The following AGK variants were observed in gnomAD, a reference collection of about 807,000 sequenced individuals.
The protein encoded by AGK is acylglycerol kinase, also known as acylglycerol kinase, mitochondrial.
Under a neutral mutation model 66.4 loss-of-function variants are expected in AGK, and 52 were observed. The observed-to-expected ratio is 0.78, with a 90% confidence interval of 0.63 to 0.99. The LOEUF (loss-of-function observed/expected upper bound fraction) is 0.99, where lower values mean the gene tolerates loss of function less well. Ranked by LOEUF, AGK falls within the 50% of genes least tolerant of loss-of-function variation. The pLI is 0.00. For synonymous variants in AGK, 182 were observed against 181.1 expected, an observed-to-expected ratio of 1.00 and a Z score of -0.04; for missense variants, 451 against 506.6, an observed-to-expected ratio of 0.89 and a Z score of 1.05.
chr7:141,555,339 T>G lies in AGK; in HGVS notation c.-14-114T>G. 1.6e-6 allele frequency: 1 copy of G among 629,576 alleles called. No homozygotes were observed. The highest frequency in any genetic ancestry group is 2.6e-6 in the Non-Finnish European group (1 of 381,976). The allele number at this position is 629,576 out of a possible 1,614,324, so 39.0% of individuals were successfully genotyped here. A position where few individuals can be genotyped will look rare whatever the true frequency, so the allele number is the denominator to read the frequency against. Reference sequence around the variant, plus strand: ...AGTGGTAAGGAGGAAGAGGAGTGAGTGGGAAAAAAAGGAGTGAGAGAGGAT... The same window carrying G: ...AGTGGTAAGGAGGAAGAGGAGTGAGGGGGAAAAAAAGGAGTGAGAGAGGAT... On this transcript the variant is annotated intron_variant, in intron 1 of 15. Transcript: ENST00000649286. The surrounding 1 kb of genome is among the most constrained non-coding windows in gnomAD (Gnocchi z 4.2).
intron 9 of AGK, among the ~76,000 whole-genome samples, chr7:141,624,719 T>A (rs1482595707): frequency 1.3e-5 from 2 of 152,240 alleles, no homozygotes; most frequent in South Asian, 4.1e-4. Flanking sequence ...TTTCTTGACA[T>A]GGAATGTAAT....
In AGK at chr7:141,654,208, T is replaced by C. The variant is rs1797634189; in HGVS notation, c.*1284T>C. 2.6e-5 allele frequency: 4 copies of C among 152,238 alleles called. No individual in the cohort carries two copies. Among genetic ancestry groups the C allele is most frequent in the Admixed American group, 2.0e-4 (3 of 15,282 alleles). 9.4% of individuals were successfully genotyped at this position (152,238 alleles called of 1,614,324 possible). A position where few individuals can be genotyped will look rare whatever the true frequency, so the allele number is the denominator to read the frequency against. On this transcript the variant is annotated 3_prime_UTR_variant, in exon 16 of 16. Coordinates refer to ENST00000649286, the MANE Select transcript of AGK (RefSeq NM_018238.4). ...GAACCAATATTATCGTAATTAATTA[T>C]TGGTATATAATGAAAACGGTATTAA...
rs140736968 is a variant in AGK, at chr7:141,573,044, GT to G, written c.101+17484del. On this transcript the variant is annotated intron_variant, in intron 2 of 15. Transcript: ENST00000649286. ...TTCATCCACAGCTGAAGGTAGGGAG[GT>G]TTTTTTCCCCCTCATGGCTTTTCCT... Among the ~76,000 whole-genome samples, 863 of 152,256 alleles carry G rather than the reference GT, an allele frequency of 5.7e-3. 10 individuals carry two copies. Among genetic ancestry groups the G allele is most frequent in the African/African-American group, 0.02 (817 of 41,540 alleles).
At chr7:141,633,084 G>A (rs1385764964) in intron 9 of AGK, among the ~76,000 whole-genome samples, 1 of 152,124 alleles carries the variant, frequency 6.6e-6, no homozygotes, top group Non-Finnish European at 1.5e-5. Flanking sequence ...GAATCAAGCT[G>A]GTTCTGCCCA....
At chr7:141,616,521 T>C (rs1050773222) in intron 8 of AGK, among the ~76,000 whole-genome samples, 3 of 152,174 alleles carry the variant, frequency 2.0e-5, no homozygotes, top group Non-Finnish European at 4.4e-5. Flanking sequence ...ATTTTTGCTA[T>C]TGTAATGTTA....
chr7:141,647,367 T>C (rs117230630), intron 13 of AGK, among the ~76,000 whole-genome samples: 3,673 of 152,304 alleles, frequency 0.024, 69 homozygotes, highest in Middle Eastern at 0.041. Context: ...ATGTAGCTCC[T>C]CTCTTCCCTG....
At chr7:141,652,713 T>C in intron 15 of AGK, 74 bp from the exon 16 acceptor site, 1 of 1,481,374 alleles carries the variant, frequency 6.8e-7, no homozygotes, top group South Asian at 1.2e-5. Context: ...CTTCTTCTGG[T>C]GCTGCTGTGA....
At chr7:141,626,341 G>A (rs547930613) in intron 9 of AGK, among the ~76,000 whole-genome samples, 2 of 152,116 alleles carry the variant, frequency 1.3e-5, no homozygotes, top group Non-Finnish European at 2.9e-5. Context: ...ATAGAAAATC[G>A]CCATTTTTTA....
At chr7:141,614,975 A>G (rs1796675818) in intron 7 of AGK, among the ~76,000 whole-genome samples, 1 of 152,188 alleles carries the variant, frequency 6.6e-6, no homozygotes, top group African/African-American at 2.4e-5. Flanking sequence ...TATGTGTGGC[A>G]TTTAATTAAC....
At chr7:141,560,625 TC>T (rs35108383) in intron 2 of AGK, among the ~76,000 whole-genome samples, 1 of 151,878 alleles carries the variant, frequency 6.6e-6, no homozygotes, top group Non-Finnish European at 1.5e-5. Flanking sequence ...CTCCCACCTT[TC>T]CCCCTGAGTC....
intron 1 of AGK, among the ~76,000 whole-genome samples, chr7:141,552,173 A>G (rs1795106013): frequency 6.6e-6 from 1 of 152,212 alleles, no homozygotes; most frequent in Admixed American, 6.5e-5. Flanking sequence ...GATTATGGCA[A>G]TAACTTCCTA....
At chr7:141,613,594 G>C (rs902322424) in intron 6 of AGK, among the ~76,000 whole-genome samples, 2 of 152,186 alleles carry the variant, frequency 1.3e-5, no homozygotes, top group African/African-American at 2.4e-5. Flanking sequence ...TCTCCAGCCT[G>C]GGTGACAGAG....
rs1301537652 is a variant in AGK at position 141,604,403 on chromosome 7, T to TATATAC, written c.297+3124_297+3125insTATACA. On this transcript the variant is annotated intron_variant, in intron 5 of 15. Coordinates refer to ENST00000649286, the MANE Select transcript of AGK (RefSeq NM_018238.4). ...ATATATATATATATATATATATATA[T>TATATAC]ACACATACATACACACACACACATA... Among the ~76,000 whole-genome samples, 171 of 141,492 alleles carry TATATAC rather than the reference T, an allele frequency of 1.2e-3. 1 individual carries two copies. Among genetic ancestry groups the TATATAC allele is most frequent in the African/African-American group, 3.9e-3 (151 of 38,270 alleles). 92.8% of individuals were successfully genotyped at this position (141,492 alleles called of 152,430 possible).
intron 14 of AGK, among the ~76,000 whole-genome samples, chr7:141,650,166 C>T (rs1797521169): frequency 1.3e-5 from 2 of 152,224 alleles, no homozygotes; most frequent in African/African-American, 2.4e-5. Flanking sequence ...ATTATCTACA[C>T]AGGCACATAA....
intron 2 of AGK, among the ~76,000 whole-genome samples, chr7:141,558,541 T>C (rs773124191): frequency 5.3e-5 from 8 of 152,316 alleles, no homozygotes; most frequent in Non-Finnish European, 1.2e-4. Context: ...ATGGACATTT[T>C]GGTTGCTTTT....
At chr7:141,578,445 G>T (rs1025116815) in intron 2 of AGK, among the ~76,000 whole-genome samples, 2 of 151,912 alleles carry the variant, frequency 1.3e-5, no homozygotes, top group Admixed American at 1.3e-4. Context: ...CAGGGGATAC[G>T]ATGGCTTAGC....
chr7:141,591,423 C>T (rs186175384), intron 2 of AGK, among the ~76,000 whole-genome samples: 24 of 152,210 alleles, frequency 1.6e-4, no homozygotes, highest in African/African-American at 2.4e-4. Context: ...AGATTCACAG[C>T]GTCCATACTT....
intron 2 of AGK, among the ~76,000 whole-genome samples, chr7:141,568,191 C>T (rs563334170): frequency 3.9e-5 from 6 of 152,258 alleles, no homozygotes; most frequent in African/African-American, 1.4e-4. Flanking sequence ...TTTATTTCGC[C>T]TTTCATATGT....
chr7:141,621,636 G>A (rs1796827888), intron 8 of AGK, 96 bp from the exon 9 acceptor site: 7 of 460,188 alleles, frequency 1.5e-5, no homozygotes, highest in Non-Finnish European at 2.3e-5. Flanking sequence ...GAGAGAATAT[G>A]TGTGTGTGTG....
Sources: allele counts gnomAD v4.1 joint callset (sites outside exome capture counted in the v4.1 genomes callset), GRCh38; gene constraint gnomAD v4.1.1; non-coding constraint Gnocchi (gnomAD v3.1); transcripts MANE v1.5; gene names NCBI Gene and HGNC (gene_info 2026-07-23, HGNC 2026-07-21).